Variants in NFIB observed in about 807,000 individuals in gnomAD.
NFIB encodes the protein nuclear factor I B.
In NFIB, 11 loss-of-function variants were observed where a neutral mutation model predicts 61.5. The ratio of observed to expected loss-of-function variants is 0.18; its 90% CI spans 0.11 to 0.30. NFIB has a LOEUF of 0.30. Among genes scored for constraint, NFIB ranks in the 10% least tolerant of loss-of-function variants. The pLI is 1.00. For synonymous variants in NFIB, 260 were observed against 216.5 expected (o/e 1.20, Z -1.76); for missense variants, 471 against 608.9 (o/e 0.77, Z 2.38).
chr9:14,337,496 T>G (rs1193539949), intron 1 of NFIB, among the ~76,000 whole-genome samples: 1 of 152,228 alleles, frequency 6.6e-6, no homozygotes, highest in Non-Finnish European at 1.5e-5. Context: ...GGCAATGTTA[T>G]ATTTCTTGAC....
At chr9:14,351,551 G>A (rs1306610167) in intron 1 of NFIB, among the ~76,000 whole-genome samples, 2 of 152,142 alleles carry the variant, frequency 1.3e-5, no homozygotes, top group Non-Finnish European at 2.9e-5. Context: ...CCCATCCTAC[G>A]CTGATGGCCC....
chr9:14,336,078 T>C (rs1233387830), intron 1 of NFIB, among the ~76,000 whole-genome samples: 3 of 152,238 alleles, frequency 2.0e-5, no homozygotes, highest in Non-Finnish European at 2.9e-5. Flanking sequence ...CATTGTGTCG[T>C]TATAAGAAGT....
chr9:14,517,466 A>C, the NFIB span, among the ~76,000 whole-genome samples: 1 of 152,226 alleles, frequency 6.6e-6, no homozygotes, highest in Admixed American at 6.5e-5. Context: ...ACATCTGGCC[A>C]CAGTCTAATA....
At chr9:14,276,739 C>T (rs945646661) in intron 2 of NFIB, among the ~76,000 whole-genome samples, 7 of 151,926 alleles carry the variant, frequency 4.6e-5, no homozygotes, top group African/African-American at 1.2e-4. Flanking sequence ...AATATTCATG[C>T]GAGGGAAAGC....
intron 3 of NFIB, among the ~76,000 whole-genome samples, chr9:14,174,702 G>C (rs1384774442): frequency 1.3e-5 from 2 of 150,880 alleles, no homozygotes; most frequent in African/African-American, 2.4e-5. Flanking sequence ...GGGAGGCAGA[G>C]GTTGCAGTGA....
chr9:14,250,000 C>T (rs1409306941), intron 2 of NFIB, among the ~76,000 whole-genome samples: 1 of 152,194 alleles, frequency 6.6e-6, no homozygotes. Flanking sequence ...AAAGTTTCAC[C>T]TATTCCTAAC....
At chr9:14,322,521 G>A (rs1023527182) in intron 1 of NFIB, among the ~76,000 whole-genome samples, 2 of 152,056 alleles carry the variant, frequency 1.3e-5, no homozygotes, top group African/African-American at 2.4e-5. Flanking sequence ...TTCCGCGCCC[G>A]GCCCGCGCTC....
intron 1 of NFIB, among the ~76,000 whole-genome samples, chr9:14,386,079 G>A (rs1025240848): frequency 2.6e-5 from 4 of 152,078 alleles, no homozygotes; most frequent in Admixed American, 1.3e-4. Flanking sequence ...CACCACACTC[G>A]GTGACACGGT....
chr9:14,336,938 T>C (rs958899725), intron 1 of NFIB, among the ~76,000 whole-genome samples: 7 of 152,198 alleles, frequency 4.6e-5, no homozygotes, highest in African/African-American at 9.7e-5. Flanking sequence ...GGACAATATA[T>C]AAACAATGAG....
At chr9:14,301,590 C>G (rs1169458845) in intron 2 of NFIB, among the ~76,000 whole-genome samples, 1 of 151,372 alleles carries the variant, frequency 6.6e-6, no homozygotes, top group Admixed American at 6.6e-5. Context: ...CTCCTTCTCT[C>G]CCCCCACCCT....
At chr9:14,312,954 C>T (rs185200663) in intron 1 of NFIB, among the ~76,000 whole-genome samples, 108 of 152,352 alleles carry the variant, frequency 7.1e-4, no homozygotes, top group Non-Finnish European at 1.3e-3. Context: ...AATGGGTCCC[C>T]GGACCACAAC....
At chr9:14,429,442 C>G in the NFIB span, among the ~76,000 whole-genome samples, 1 of 152,200 alleles carries the variant, frequency 6.6e-6, no homozygotes, top group East Asian at 1.9e-4. Flanking sequence ...TCAGAATTTT[C>G]CTCCCTGCAA....
rs10810091 is a variant in NFIB at position 14,114,276 on chromosome 9, C to A, written c.1385-1195G>T. On this transcript the variant is annotated intron_variant, in intron 9 of 10. Coordinates refer to ENST00000380953, the MANE Select transcript of NFIB (RefSeq NM_001190737.2). The stretch of plus-strand genomic sequence containing the variant: ...CAAGGCAGCCATCAGCAACCAGTGA[C>A]CCCTACTCAATCTCCAAGCCTCTGG... Among the ~76,000 whole-genome samples the A allele has an allele frequency of 0.012, 1,886 of 152,260 alleles. 128 individuals carry two copies. In the East Asian group the frequency reaches 0.2, roughly 16 times the overall value.
rs958408633 is a variant in NFIB, at chr9:14,116,824, A to G, written c.1246-478T>C. On this transcript the variant is annotated intron_variant, in intron 8 of 10. Transcript: ENST00000380953. ...TCACTGAAACAAAGGACACAAAAATATCTAGGAGATCAAATACAACGAATT... is the reference window on the plus strand; with the variant it reads ...TCACTGAAACAAAGGACACAAAAATGTCTAGGAGATCAAATACAACGAATT... 2.0e-5 allele frequency among the ~76,000 whole-genome samples: 3 copies of G among 152,234 alleles called. No homozygotes were observed. The East Asian group carries it at 5.8e-4, about 29-fold the overall frequency.
chr9:14,499,051 T>C, the NFIB span, among the ~76,000 whole-genome samples: 5 of 151,702 alleles, frequency 3.3e-5, no homozygotes, highest in African/African-American at 1.2e-4. Context: ...CGTGTGTACG[T>C]GTGTGTGCGT....
At chr9:14,181,283 T>C (rs899508176) in intron 2 of NFIB, among the ~76,000 whole-genome samples, 9 of 152,344 alleles carry the variant, frequency 5.9e-5, no homozygotes, top group African/African-American at 1.9e-4. Context: ...TCATGAGATC[T>C]TGGCAGGCAT....
In NFIB at chr9:14,113,009, T is replaced by C; in HGVS notation, c.1457A>G (p.His486Arg). 3.2e-6 allele frequency: 5 copies of C among 1,550,268 alleles called. No homozygotes were observed. The highest frequency in any genetic ancestry group is 1.2e-5 in the South Asian group (1 of 84,042). The change falls in exon 10 of 11, where the codon CAT becomes CGT. Residue 486 changes from histidine (H) to arginine (R), a missense_variant. Physicochemically the swap from His to Arg is conservative, Grantham distance 29. Coordinates refer to ENST00000380953, the MANE Select transcript of NFIB (RefSeq NM_001190737.2). Reference sequence around the variant, plus strand: ...GTGAAACTTGCCCACCTGTTGCTGATGTAGGAAGGATGGGTCTCTTGGGCT... The same window carrying C: ...GTGAAACTTGCCCACCTGTTGCTGACGTAGGAAGGATGGGTCTCTTGGGCT... The part of the protein sequence containing the change: ...GLSPRDPSFL[H>R]QQQSWYLG
the NFIB span, among the ~76,000 whole-genome samples, chr9:14,488,431 A>G: frequency 2.0e-5 from 3 of 152,060 alleles, no homozygotes; most frequent in African/African-American, 7.2e-5. Flanking sequence ...TCCATCCCCA[A>G]TTCTGGTTCA....
At chr9:14,241,561 C>T (rs1324240917) in intron 2 of NFIB, among the ~76,000 whole-genome samples, 2 of 151,940 alleles carry the variant, frequency 1.3e-5, no homozygotes, top group African/African-American at 4.8e-5. Flanking sequence ...GCCATATTTC[C>T]TAGAAAATAA....
Sources: gnomAD v4.1 joint callset for allele counts (sites outside exome capture counted in the v4.1 genomes callset) on GRCh38, gnomAD v4.1.1 for gene constraint, MANE v1.5 for transcripts, NCBI Gene and HGNC (gene_info 2026-07-23, HGNC 2026-07-21) for gene names.